The following BEND5 variants were observed in gnomAD, a reference collection of about 807,000 sequenced individuals.
BEND5 encodes the protein BEN domain containing 5.
BEND5 carries 22 observed loss-of-function variants against 43.9 expected under a neutral mutation model. The observed-to-expected ratio is 0.50, with a 90% confidence interval of 0.36 to 0.72. The LOEUF (loss-of-function observed/expected upper bound fraction) is 0.72, where lower values mean the gene tolerates loss of function less well. Ranked by LOEUF, BEND5 falls within the 30% of genes least tolerant of loss-of-function variation. The pLI is 0.00. For missense variants in BEND5, 428 were observed against 550.6 expected (o/e 0.78, Z 2.23); for synonymous variants, 228 against 225.9 (o/e 1.01, Z -0.08).
intron 3 of BEND5, among the ~76,000 whole-genome samples, chr1:48,748,835 T>C (rs1049659771): frequency 1.3e-5 from 2 of 152,090 alleles, no homozygotes; most frequent in Non-Finnish European, 2.9e-5. Context: ...GCCGGGGTTC[T>C]TCAGGTCCTC....
At chr1:48,751,002 A>G (rs891236460) in intron 3 of BEND5, among the ~76,000 whole-genome samples, 7 of 152,192 alleles carry the variant, frequency 4.6e-5, no homozygotes, top group Non-Finnish European at 8.8e-5. Flanking sequence ...ATGTTGGCTG[A>G]ACACAAACCT....
At chr1:48,753,392 C>G (rs975801893) in intron 3 of BEND5, among the ~76,000 whole-genome samples, 2 of 152,250 alleles carry the variant, frequency 1.3e-5, no homozygotes, top group East Asian at 3.8e-4. Context: ...CCCAGGTTGT[C>G]TCCAGTACAG....
chr1:48,743,541 A>G (rs1303654797), intron 3 of BEND5, among the ~76,000 whole-genome samples: 1 of 152,248 alleles, frequency 6.6e-6, no homozygotes, highest in African/African-American at 2.4e-5. Context: ...GACTTGATTA[A>G]CTTTTGTGGG....
Position 48,736,194 on chromosome 1 carries a change from T to A in BEND5, c.1108+45A>T, listed in dbSNP as rs551377004. The A allele has an allele frequency of 1.3e-6, 2 of 1,566,256 alleles. No homozygotes were observed. Among genetic ancestry groups the A allele is most frequent in the Non-Finnish European group, 1.8e-6 (2 of 1,136,804 alleles). On this transcript the variant is annotated intron_variant, in intron 5 of 5. Coordinates refer to ENST00000371833, the MANE Select transcript of BEND5 (RefSeq NM_024603.4). The surrounding 1 kb of genome is among the most constrained non-coding windows in gnomAD (Gnocchi z 4.0). ...TGTGCCTAACACATTCTTGACAGAG[T>A]AAAAGACAGAATCCCAGCCATTGTG...
At chr1:48,750,139 G>T (rs1651451566) in intron 3 of BEND5, among the ~76,000 whole-genome samples, 1 of 152,186 alleles carries the variant, frequency 6.6e-6, no homozygotes, top group East Asian at 1.9e-4. Context: ...GACCATATGG[G>T]ATTCATCTTT....
chr1:48,737,309 G>GA (rs750040680), intron 4 of BEND5, among the ~76,000 whole-genome samples: 32 of 151,366 alleles, frequency 2.1e-4, no homozygotes, highest in Admixed American at 1.9e-3. Context: ...AAAAAGAAAA[G>GA]AAAAAAAAAT....
At chr1:48,741,382 G>A (rs1649884784) in intron 4 of BEND5, among the ~76,000 whole-genome samples, 1 of 152,198 alleles carries the variant, frequency 6.6e-6, no homozygotes. Context: ...CAGATGTAGA[G>A]CTATGCTAAG....
rs1413891376 is a variant in BEND5, at chr1:48,761,359, T to C, written c.338A>G (p.Asp113Gly). Residue 113 changes from aspartate (D) to glycine (G), a missense_variant, in exon 2 of 6, where the codon GAT becomes GGT. By Grantham distance (94) the Asp-to-Gly change is moderately conservative (BLOSUM62 -1). This residue lies in a region of BEND5 where 243 missense variants were observed against 286.4 expected (regional missense o/e 0.85). Coordinates refer to ENST00000371833, the MANE Select transcript of BEND5 (RefSeq NM_024603.4). The part of the protein sequence containing the change: ...DGEVKDYGEE[D>G]LQLRHIKRPE... ...TACCTTGATGTGTCTAAGCTGTAAA[T>C]CTTCTTCCCCATAATCTTTAACCTC... 1.3e-6 allele frequency: 2 copies of C among 1,551,966 alleles called. No homozygotes were observed. The highest frequency in any genetic ancestry group is 3.9e-5 in the Admixed American group (2 of 50,968).
intron 5 of BEND5, among the ~76,000 whole-genome samples, chr1:48,735,645 A>T (rs187824425): frequency 6.6e-6 from 1 of 151,888 alleles, no homozygotes; most frequent in Non-Finnish European, 1.5e-5. Context: ...CTGCCCTCCA[A>T]CCTCTCCCAT....
intron 3 of BEND5, among the ~76,000 whole-genome samples, chr1:48,753,666 G>T (rs887920768): frequency 6.6e-6 from 1 of 152,210 alleles, no homozygotes; most frequent in Non-Finnish European, 1.5e-5. Context: ...TTATGATCTA[G>T]CCAACAGGAC....
chr1:48,759,771 C>T lies in BEND5; in HGVS notation c.361-487G>A, dbSNP rs142391930. ...AAATTCCTCCCCTAAAGGCAATTCA[C>T]CATGTAAACTTTTCATCGACAATGC... On this transcript the variant is annotated intron_variant, in intron 2 of 5. Transcript: ENST00000371833. Among the ~76,000 whole-genome samples, 108 of 152,332 alleles carry T rather than the reference C, an allele frequency of 7.1e-4. 1 individual carries two copies. The East Asian group carries it at 0.02, about 28-fold the overall frequency.
At position 48,727,876 on chromosome 1, in the gene BEND5, A is replaced by C. The variant is rs535205639; in HGVS notation, c.*10T>G. On this transcript the variant is annotated 3_prime_UTR_variant, in exon 6 of 6. Coordinates refer to ENST00000371833, the MANE Select transcript of BEND5 (RefSeq NM_024603.4). ...AGGAAAACACGAAAGCTTTATGAAA[A>C]ATCCAAAGTTTATTGCAAATTGTAT... 6.3e-7 allele frequency: 1 copy of C among 1,598,000 alleles called. No homozygotes were observed. Among genetic ancestry groups the C allele is most frequent in the South Asian group, 1.1e-5 (1 of 89,278 alleles).
At chr1:48,758,233 C>T (rs1442160636) in intron 3 of BEND5, among the ~76,000 whole-genome samples, 1 of 152,168 alleles carries the variant, frequency 6.6e-6, no homozygotes, top group East Asian at 1.9e-4. Context: ...CCATTCCTAC[C>T]AAAACAAGTC....
intron 1 of BEND5, among the ~76,000 whole-genome samples, chr1:48,765,844 G>T (rs1359388847): frequency 2.0e-5 from 3 of 152,188 alleles, no homozygotes; most frequent in East Asian, 1.9e-4. Flanking sequence ...TCATTTATAT[G>T]AAATGTTCAG....
intron 3 of BEND5, among the ~76,000 whole-genome samples, chr1:48,752,803 G>A (rs1651954335): frequency 6.6e-6 from 1 of 151,966 alleles, no homozygotes; most frequent in South Asian, 2.1e-4. Flanking sequence ...AGGCTGGAGT[G>A]CAGTGGCATG....
At chr1:48,760,333 T>A (rs997226008) in intron 2 of BEND5, among the ~76,000 whole-genome samples, 1 of 152,188 alleles carries the variant, frequency 6.6e-6, no homozygotes, top group African/African-American at 2.4e-5. Flanking sequence ...GTGTAGGAAG[T>A]GCAGACAACT....
At chr1:48,761,843 A>G (rs781664387) in intron 1 of BEND5, among the ~76,000 whole-genome samples, 4 of 152,114 alleles carry the variant, frequency 2.6e-5, no homozygotes, top group Non-Finnish European at 5.9e-5. Flanking sequence ...CCTCAACTCA[A>G]CTGAGATCTT....
At chr1:48,746,550 A>G (rs1216303212) in intron 3 of BEND5, among the ~76,000 whole-genome samples, 1 of 152,168 alleles carries the variant, frequency 6.6e-6, no homozygotes, top group Non-Finnish European at 1.5e-5. Context: ...TAAATTTCTC[A>G]CTCAGCACCA....
chr1:48,735,301 G>A (rs1383838270), intron 5 of BEND5, among the ~76,000 whole-genome samples: 1 of 152,114 alleles, frequency 6.6e-6, no homozygotes, highest in East Asian at 1.9e-4. Context: ...GTGAGAATAT[G>A]AACTCCTTGC....
Sources: allele counts gnomAD v4.1 joint callset (sites outside exome capture counted in the v4.1 genomes callset), GRCh38; gene constraint gnomAD v4.1.1; regional missense constraint gnomAD v4.1.1; non-coding constraint Gnocchi (gnomAD v3.1); transcripts MANE v1.5; gene names NCBI Gene and HGNC (gene_info 2026-07-23, HGNC 2026-07-21).